Variants in ZNF732 observed in about 807,000 individuals in gnomAD.
The protein encoded by ZNF732 is zinc finger protein LOC654254.
A neutral mutation model predicts 11.5 loss-of-function variants in ZNF732; 12 were observed. That is an observed-to-expected ratio of 1.05 (90% CI 0.67 to 1.70). ZNF732 has a LOEUF of 1.70. ZNF732 is among the 40% of genes most tolerant of loss of function. The pLI, the probability that ZNF732 is intolerant of heterozygous loss-of-function variation, is 0.00. For missense variants in ZNF732, 702 were observed against 676.9 expected, an observed-to-expected ratio of 1.04 and a Z score of -0.41; for synonymous variants, 231 against 236.5, an observed-to-expected ratio of 0.98 and a Z score of 0.21.
intron 3 of ZNF732, among the ~76,000 whole-genome samples, chr4:285,882 G>A (rs1553840545): frequency 6.6e-6 from 1 of 152,192 alleles, no homozygotes; most frequent in Non-Finnish European, 1.5e-5. Context: ...TGGAACTACA[G>A]GTGCATGCCA....
At position 299,426 on chromosome 4, in the gene ZNF732, C is replaced by T. The variant is rs1209718620; in HGVS notation, c.4-3271G>A. 9.7e-3 allele frequency among the ~76,000 whole-genome samples: 790 copies of T among 81,108 alleles called. 32 individuals carry two copies. Among genetic ancestry groups the T allele is most frequent in the Non-Finnish European group, 0.014 (602 of 42,444 alleles). The allele number at this position is 81,108 out of a possible 152,430, so 53.2% of individuals were successfully genotyped here. On this transcript the variant is annotated intron_variant, in intron 1 of 3. Transcript: ENST00000419098. Reference sequence around the variant, plus strand: ...GTGTATATATATATACACATATATACACATATGTGTATATATATATATATA... The same window carrying T: ...GTGTATATATATATACACATATATATACATATGTGTATATATATATATATA...
chr4:278,600 G>A (rs951452786), intron 3 of ZNF732, among the ~76,000 whole-genome samples: 1 of 152,180 alleles, frequency 6.6e-6, no homozygotes, highest in Non-Finnish European at 1.5e-5. Flanking sequence ...CTATATGTTA[G>A]TTATTGAAAA....
Position 305,462 on chromosome 4 carries a change from T to A in ZNF732, c.-152A>T. 8.7e-7 allele frequency: 1 copy of A among 1,149,874 alleles called. No homozygotes were observed. Among genetic ancestry groups the A allele is most frequent in the Non-Finnish European group, 1.2e-6 (1 of 824,314 alleles). 71.2% of individuals were successfully genotyped at this position (1,149,874 alleles called of 1,614,324 possible). The stretch of plus-strand genomic sequence containing the variant: ...GTGGAGACCCTAACCGAGCTCACGC[T>A]GGCGCAAAAGGCAAAAGCCGCGCCA... On this transcript the variant is annotated 5_prime_UTR_variant, in exon 1 of 4. Coordinates refer to ENST00000419098, the MANE Select transcript of ZNF732 (RefSeq NM_001137608.3).
intron 3 of ZNF732, among the ~76,000 whole-genome samples, chr4:290,762 G>A (rs1308131663): frequency 1.3e-5 from 2 of 152,068 alleles, no homozygotes; most frequent in African/African-American, 4.8e-5. Flanking sequence ...ATCCATAACT[G>A]TCCAAATCTC....
At position 305,322 on chromosome 4, in the gene ZNF732, AG is replaced by A; in HGVS notation, c.-13del. On this transcript the variant is annotated 5_prime_UTR_variant, in exon 1 of 4. Coordinates refer to ENST00000419098, the MANE Select transcript of ZNF732 (RefSeq NM_001137608.3). ...CCCACACTCACCATTTCCCCACTTC[AG>A]GGGTGTAGCGGAGTCTCAGCTACGA... is the stretch of plus-strand genomic sequence containing the variant. 1.2e-6 allele frequency: 2 copies of A among 1,607,798 alleles called. No homozygotes were observed.
At chr4:295,298 T>C in intron 3 of ZNF732, 140 bp downstream of exon 3, 1 of 633,356 alleles carries the variant, frequency 1.6e-6, no homozygotes, top group Non-Finnish European at 2.7e-6. Context: ...CCCCTATTCA[T>C]GAATATGAGA....
rs782096204 is a variant in ZNF732 at position 305,433 on chromosome 4, G to A, written c.-123C>T. ...ACGCCTCCCTGAGGGGTGAAAGCACGGCCGTGGAGACCCTAACCGAGCTCA... is the reference window on the plus strand; with the variant it reads ...ACGCCTCCCTGAGGGGTGAAAGCACAGCCGTGGAGACCCTAACCGAGCTCA... On this transcript the variant is annotated 5_prime_UTR_variant, in exon 1 of 4. Transcript: ENST00000419098. The A allele has an allele frequency of 7.1e-7, 1 of 1,410,274 alleles. No homozygotes were observed. Among genetic ancestry groups the A allele is most frequent in the South Asian group, 1.2e-5 (1 of 82,854 alleles). 87.4% of individuals were successfully genotyped at this position (1,410,274 alleles called of 1,614,324 possible). A position where few individuals can be genotyped will look rare whatever the true frequency, so the allele number is the denominator to read the frequency against.
chr4:286,502 G>A (rs1195586786), intron 3 of ZNF732, among the ~76,000 whole-genome samples: 2 of 152,166 alleles, frequency 1.3e-5, no homozygotes, highest in Non-Finnish European at 2.9e-5. Flanking sequence ...CCACAATGAG[G>A]ATACATTTTT....
intron 1 of ZNF732, among the ~76,000 whole-genome samples, chr4:302,785 AGT>A (rs1297900390): frequency 6.6e-6 from 1 of 152,224 alleles, no homozygotes; most frequent in Non-Finnish European, 1.5e-5. Context: ...AGACAGGAGC[AGT>A]GGCTCACGCC....
intron 3 of ZNF732, among the ~76,000 whole-genome samples, chr4:281,418 C>A (rs56327123): frequency 0.054 from 8,286 of 152,298 alleles, 349 homozygotes; most frequent in African/African-American, 0.12. Context: ...CTCGCAAGAG[C>A]GACACAGCAG....
chr4:283,498 A>G (rs1441549332), intron 3 of ZNF732, among the ~76,000 whole-genome samples: 1 of 151,844 alleles, frequency 6.6e-6, no homozygotes, highest in Non-Finnish European at 1.5e-5. Context: ...ATAGACTTCT[A>G]AAAAAAATCT....
At chr4:283,006 TG>T (rs1719648194) in intron 3 of ZNF732, among the ~76,000 whole-genome samples, 1 of 152,202 alleles carries the variant, frequency 6.6e-6, no homozygotes, top group South Asian at 2.1e-4. Context: ...CACATTGCTA[TG>T]GTTTGAGTGC....
chr4:289,164 C>G (rs1158103284), intron 3 of ZNF732, among the ~76,000 whole-genome samples: 1 of 152,174 alleles, frequency 6.6e-6, no homozygotes, highest in Middle Eastern at 3.2e-3. Flanking sequence ...AATGAGATCT[C>G]TTTAGTTATT....
chr4:270,927 A>T lies in ZNF732; in HGVS notation c.*172T>A, dbSNP rs1229064601. On this transcript the variant is annotated 3_prime_UTR_variant, in exon 4 of 4. Coordinates refer to ENST00000419098, the MANE Select transcript of ZNF732 (RefSeq NM_001137608.3). The stretch of plus-strand genomic sequence containing the variant: ...GTTTGAAGGCTTTCCCACATTCTTT[A>T]CATTTGTAGGGTTTTTCTCCAGTAT... 2.6e-6 allele frequency: 2 copies of T among 765,570 alleles called. No homozygotes were observed. The highest frequency in any genetic ancestry group is 4.6e-6 in the Non-Finnish European group (2 of 434,918). The allele number at this position is 765,570 out of a possible 1,614,324, so 47.4% of individuals were successfully genotyped here.
At chr4:296,852 A>C (rs78355952) in intron 1 of ZNF732, among the ~76,000 whole-genome samples, 4 of 152,286 alleles carry the variant, frequency 2.6e-5, no homozygotes, top group African/African-American at 9.6e-5. Flanking sequence ...ATCACAACAC[A>C]AATACTTTTC....
intron 3 of ZNF732, among the ~76,000 whole-genome samples, chr4:292,512 A>C (rs1719859034): frequency 6.6e-6 from 1 of 150,552 alleles, no homozygotes; most frequent in African/African-American, 2.4e-5. Context: ...AGCTGAGATC[A>C]TGCCACTGCA....
rs148295897 is a variant in ZNF732, at chr4:297,312, C to T, written c.4-1157G>A. On this transcript the variant is annotated intron_variant, in intron 1 of 3. Coordinates refer to ENST00000419098, the MANE Select transcript of ZNF732 (RefSeq NM_001137608.3). ...AACAACATGTGCGCCTGCATTAATG[C>T]GGTATTTATGGAGCATGTACTATGT... Among the ~76,000 whole-genome samples, 665 of 151,610 alleles carry T rather than the reference C, an allele frequency of 4.4e-3. 4 individuals carry two copies. Among genetic ancestry groups the T allele is most frequent in the African/African-American group, 0.015 (635 of 41,418 alleles).
chr4:278,100 G>A (rs1553839042), intron 3 of ZNF732, among the ~76,000 whole-genome samples: 1 of 152,086 alleles, frequency 6.6e-6, no homozygotes, highest in East Asian at 1.9e-4. Flanking sequence ...AGGCCATTAC[G>A]TTAAGTGAAA....
Position 285,732 on chromosome 4 carries a change from C to A in ZNF732, c.226+9706G>T, listed in dbSNP as rs149963953. On this transcript the variant is annotated intron_variant, in intron 3 of 3. Coordinates refer to ENST00000419098, the MANE Select transcript of ZNF732 (RefSeq NM_001137608.3). ...ACCCACGGTCTCCCTCCAACTAGGG[C>A]TGCTGTGATACCTTTATGTGTTTTT... Among the ~76,000 whole-genome samples, 504 of 152,290 alleles carry A rather than the reference C, an allele frequency of 3.3e-3. 1 individual carries two copies. Among genetic ancestry groups the A allele is most frequent in the African/African-American group, 0.011 (468 of 41,552 alleles).
Sources: gnomAD v4.1 joint callset for allele counts (sites outside exome capture counted in the v4.1 genomes callset) on GRCh38, gnomAD v4.1.1 for gene constraint, MANE v1.5 for transcripts, NCBI Gene and HGNC (gene_info 2026-07-23, HGNC 2026-07-21) for gene names.